The following DCDC2C variants were observed in gnomAD, a reference collection of about 807,000 sequenced individuals.
The protein encoded by DCDC2C is doublecortin domain containing 2C, also known as doublecortin domain-containing protein 2C.
A neutral mutation model predicts 45.0 loss-of-function variants in DCDC2C; 44 were observed. That is an observed-to-expected ratio of 0.98 (90% CI 0.77 to 1.26). The LOEUF is 1.26. Ranked by LOEUF, DCDC2C falls within the 50% of genes most tolerant of loss-of-function variation. The probability of loss-of-function intolerance (pLI) is 0.00; values close to 1 mark genes in which losing one functional copy is unlikely to be tolerated. For synonymous variants in DCDC2C, 187 were observed against 178.8 expected (o/e 1.05, Z -0.37); for missense variants, 447 against 468.9 (o/e 0.95, Z 0.43).
At chr2:3,766,949 C>T (rs184786619) in intron 6 of DCDC2C, among the ~76,000 whole-genome samples, 10 of 152,336 alleles carry the variant, frequency 6.6e-5, no homozygotes, top group East Asian at 3.9e-4. Flanking sequence ...AGGATACTCT[C>T]GGAATGCTGG....
At chr2:3,841,765 G>A (rs1395005799) in intron 10 of DCDC2C, among the ~76,000 whole-genome samples, 2 of 151,776 alleles carry the variant, frequency 1.3e-5, no homozygotes, top group African/African-American at 2.4e-5. Flanking sequence ...GCAGAGAGTC[G>A]CTTCGCCCTC....
chr2:3,728,541 C>G (rs1310276207), intron 3 of DCDC2C, among the ~76,000 whole-genome samples: 1 of 152,122 alleles, frequency 6.6e-6, no homozygotes, highest in African/African-American at 2.4e-5. Flanking sequence ...ACTCACTGGA[C>G]AGACATGATT....
At chr2:3,748,672 T>C (rs922872651) in intron 4 of DCDC2C, among the ~76,000 whole-genome samples, 1 of 152,134 alleles carries the variant, frequency 6.6e-6, no homozygotes, top group African/African-American at 2.4e-5. Flanking sequence ...GTATTGACGG[T>C]TGAGGTGCTG....
chr2:3,760,845 T>TA (rs11385914), intron 6 of DCDC2C, among the ~76,000 whole-genome samples: 81,838 of 149,622 alleles, frequency 0.55, 22,851 homozygotes, highest in East Asian at 0.75. Flanking sequence ...TAAAGTAAAA[T>TA]AAAAAAAAAG....
chr2:3,800,054 G>A (rs1444057554), intron 10 of DCDC2C, among the ~76,000 whole-genome samples: 5 of 152,192 alleles, frequency 3.3e-5, no homozygotes, highest in Admixed American at 6.5e-5. Flanking sequence ...AGCCAGGTGC[G>A]GGATATAATC....
chr2:3,769,429 G>A lies in DCDC2C; in HGVS notation c.954+18G>A, dbSNP rs1389727823. Reference sequence around the variant, plus strand: ...TGGACCAGGTGGGTGTCCGGGGTCCGATGTCCATGCCGTCTTCACTCCATT... The same window carrying A: ...TGGACCAGGTGGGTGTCCGGGGTCCAATGTCCATGCCGTCTTCACTCCATT... On this transcript the variant is annotated intron_variant, in intron 8 of 10. Coordinates refer to ENST00000399143, the MANE Select transcript of DCDC2C (RefSeq NM_001287444.2). The A allele has an allele frequency of 1.9e-6, 3 of 1,546,872 alleles. No individual in the cohort carries two copies. Among genetic ancestry groups the A allele is most frequent in the Non-Finnish European group, 1.7e-6 (2 of 1,144,186 alleles).
rs115474833 is a variant in DCDC2C at position 3,781,141 on chromosome 2, G to T, written c.1023+2257G>T. 8.0e-3 allele frequency among the ~76,000 whole-genome samples: 1,222 copies of T among 152,324 alleles called. 17 individuals are homozygous for T. The highest frequency in any genetic ancestry group is 0.028 in the African/African-American group (1,173 of 41,568). Reference sequence around the variant, plus strand: ...TAAAATTTGGCCCACGTTTTTGAGGGCTCAAGAAGAGCAAGCGTTTTATAT... The same window carrying T: ...TAAAATTTGGCCCACGTTTTTGAGGTCTCAAGAAGAGCAAGCGTTTTATAT... On this transcript the variant is annotated intron_variant, in intron 9 of 10. Coordinates refer to ENST00000399143, the MANE Select transcript of DCDC2C (RefSeq NM_001287444.2).
chr2:3,755,226 A>C (rs184112899), intron 6 of DCDC2C, among the ~76,000 whole-genome samples: 74 of 149,920 alleles, frequency 4.9e-4, no homozygotes, highest in Non-Finnish European at 8.7e-4. Context: ...TGATGTGTGC[A>C]TGATGTGTAT....
rs540222726 is a variant in DCDC2C at position 3,792,251 on chromosome 2, A to C, written c.1065+7151A>C. Among the ~76,000 whole-genome samples the C allele has an allele frequency of 2.0e-5, 3 of 152,352 alleles. No homozygotes were observed. In the East Asian group the frequency reaches 5.8e-4, roughly 29 times the overall value. On this transcript the variant is annotated intron_variant, in intron 10 of 10. Transcript: ENST00000399143. Reference sequence around the variant, plus strand: ...AGCAGGAATAGGCCCTGGAGAAAACAGAAACAGTCCCTGCTAGTTCAGCCG... The same window carrying C: ...AGCAGGAATAGGCCCTGGAGAAAACCGAAACAGTCCCTGCTAGTTCAGCCG...
intron 6 of DCDC2C, among the ~76,000 whole-genome samples, chr2:3,766,829 A>T (rs1450139935): frequency 1.3e-5 from 2 of 152,256 alleles, no homozygotes; most frequent in Non-Finnish European, 2.9e-5. Context: ...AGTTTATGGG[A>T]TAGAAGTGTA....
chr2:3,843,237 C>A (rs2148248430), intron 10 of DCDC2C, among the ~76,000 whole-genome samples: 1 of 152,144 alleles, frequency 6.6e-6, no homozygotes, highest in South Asian at 2.1e-4. Context: ...GTGACAGATT[C>A]CTGGGAGTGG....
At chr2:3,843,978 G>A (rs1005108887) in intron 10 of DCDC2C, among the ~76,000 whole-genome samples, 2 of 152,044 alleles carry the variant, frequency 1.3e-5, no homozygotes, top group Non-Finnish European at 1.5e-5. Flanking sequence ...TGATATAGCA[G>A]CAATGTTTGT....
At chr2:3,726,557 A>G (rs534586914) in intron 2 of DCDC2C, among the ~76,000 whole-genome samples, 1 of 152,136 alleles carries the variant, frequency 6.6e-6, no homozygotes, top group Non-Finnish European at 1.5e-5. Flanking sequence ...CCTGGCCAGG[A>G]CATTCTGGTT....
At chr2:3,751,210 G>A (rs1669532698) in intron 4 of DCDC2C, among the ~76,000 whole-genome samples, 1 of 152,180 alleles carries the variant, frequency 6.6e-6, no homozygotes, top group African/African-American at 2.4e-5. Flanking sequence ...TGCTTTGGGG[G>A]TGCCCTCTCC....
At chr2:3,763,945 A>G (rs969194807) in intron 6 of DCDC2C, among the ~76,000 whole-genome samples, 5 of 152,234 alleles carry the variant, frequency 3.3e-5, no homozygotes, top group Non-Finnish European at 1.5e-5. Context: ...GTGACTGTTG[A>G]GGATGCTACT....
At chr2:3,769,118 C>T in intron 7 of DCDC2C, 193 bp from the exon 8 acceptor site, 1 of 560,014 alleles carries the variant, frequency 1.8e-6, no homozygotes, top group Non-Finnish European at 3.2e-6. Context: ...ACGCTGAGCA[C>T]CTTGGCAGAT....
At chr2:3,819,189 GAA>G (rs1203238253) in intron 10 of DCDC2C, among the ~76,000 whole-genome samples, 1 of 152,232 alleles carries the variant, frequency 6.6e-6, no homozygotes, top group African/African-American at 2.4e-5. Context: ...CAAGATCTGG[GAA>G]AGAGTCAGTC....
In DCDC2C at chr2:3,847,349, C is replaced by G. The variant is rs1672359485; in HGVS notation, c.*166C>G. 1 of 405,316 alleles carries G rather than the reference C, an allele frequency of 2.5e-6. No homozygotes were observed. Among genetic ancestry groups the G allele is most frequent in the Non-Finnish European group, 4.3e-6 (1 of 234,860 alleles). The allele number at this position is 405,316 out of a possible 1,614,324, so 25.1% of individuals were successfully genotyped here. ...AAAGACGAGGTTTCATAATTGAGCT[C>G]CATTTCTTCTTATTCCCTTTCTCAG... On this transcript the variant is annotated 3_prime_UTR_variant, in exon 11 of 11. Coordinates refer to ENST00000399143, the MANE Select transcript of DCDC2C (RefSeq NM_001287444.2).
At chr2:3,788,332 A>G (rs1325115878) in intron 10 of DCDC2C, 2 of 152,226 alleles carry the variant, frequency 1.3e-5, no homozygotes, top group African/African-American at 4.8e-5. Flanking sequence ...TTTCTGAAAT[A>G]TAACACCCAC....
Sources: gnomAD v4.1 joint callset for allele counts (sites outside exome capture counted in the v4.1 genomes callset) on GRCh38, gnomAD v4.1.1 for gene constraint, MANE v1.5 for transcripts, NCBI Gene and HGNC (gene_info 2026-07-23, HGNC 2026-07-21) for gene names.